The following ERCC3 variants were observed in gnomAD, a reference collection of about 807,000 sequenced individuals.
The protein encoded by ERCC3 is ERCC excision repair 3, TFIIH core complex helicase subunit, also known as general transcription and DNA repair factor IIH helicase/translocase subunit XPB.
A neutral mutation model predicts 94.2 loss-of-function variants in ERCC3; 66 were observed. That is an observed-to-expected ratio of 0.70 (90% CI 0.57 to 0.86). The LOEUF (loss-of-function observed/expected upper bound fraction) is 0.86, where lower values mean the gene tolerates loss of function less well. Among genes scored for constraint, ERCC3 ranks in the 40% least tolerant of loss-of-function variants. The probability of loss-of-function intolerance (pLI) is 0.00; values close to 1 mark genes in which losing one functional copy is unlikely to be tolerated. For missense variants in ERCC3, 829 were observed against 987.1 expected, an observed-to-expected ratio of 0.84 and a Z score of 2.15; for synonymous variants, 349 against 369.1, an observed-to-expected ratio of 0.95 and a Z score of 0.63.
At position 127,284,440 on chromosome 2, in the gene ERCC3, T is replaced by C. The variant is rs1489261114; in HGVS notation, c.1342+2263A>G. 6.6e-6 allele frequency among the ~76,000 whole-genome samples: 1 copy of C among 152,172 alleles called. No individual in the cohort carries two copies. Among genetic ancestry groups the C allele is most frequent in the Non-Finnish European group, 1.5e-5 (1 of 68,032 alleles). On this transcript the variant is annotated intron_variant, in intron 8 of 14. Coordinates refer to ENST00000285398, the MANE Select transcript of ERCC3 (RefSeq NM_000122.2). The surrounding 1 kb of genome is among the most constrained non-coding windows in gnomAD (Gnocchi z 4.1). ...GTGCTGTCTCACTATGCCAAGTACTTTCCCACAGCAGGGCCCACACCCTGG... is the reference window on the plus strand; with the variant it reads ...GTGCTGTCTCACTATGCCAAGTACTCTCCCACAGCAGGGCCCACACCCTGG...
rs2104728070 is a variant in ERCC3, at chr2:127,259,028, G to T, written c.2217+268C>A. On this transcript the variant is annotated intron_variant, in intron 14 of 14. Transcript: ENST00000285398. The surrounding 1 kb of genome is among the most constrained non-coding windows in gnomAD (Gnocchi z 4.9). ...TGGGGTCACCTGCTTGCCATCCTGG[G>T]CTTCAACATCAAGATTTAACAAATA... is the stretch of plus-strand genomic sequence containing the variant. 6.6e-6 allele frequency among the ~76,000 whole-genome samples: 1 copy of T among 152,204 alleles called. No homozygotes were observed. Among genetic ancestry groups the T allele is most frequent in the South Asian group, 2.1e-4 (1 of 4,820 alleles).
chr2:127,281,983 C>T (rs1377907165), intron 8 of ERCC3, among the ~76,000 whole-genome samples: 1 of 152,170 alleles, frequency 6.6e-6, no homozygotes, highest in Non-Finnish European at 1.5e-5. Flanking sequence ...AAGGATAAGG[C>T]AGGTAGGACT....
At chr2:127,272,670 T>C (rs1312226566) in intron 11 of ERCC3, among the ~76,000 whole-genome samples, 195 bp downstream of exon 11, 1 of 152,204 alleles carries the variant, frequency 6.6e-6, no homozygotes, top group African/African-American at 2.4e-5. Context: ...AGATTATCCA[T>C]GATGCATGCA....
chr2:127,289,665 A>G (rs368395964), intron 5 of ERCC3, 24 bp downstream of exon 5: 3 of 1,613,782 alleles, frequency 1.9e-6, no homozygotes, highest in Non-Finnish European at 2.5e-6. Flanking sequence ...CCCCCACCCA[A>G]GGGTGGCCCA....
In ERCC3 at chr2:127,272,845, AC is replaced by A. The variant is rs1684604588; in HGVS notation, c.1827+19del. On this transcript the variant is annotated intron_variant, in intron 11 of 14. Transcript: ENST00000285398. ...CCAGAGTGCTAGGGGCCTCACCTCCACCCCATATGCCACACAAACCTTGGAT... is the reference window on the plus strand; with the variant it reads ...CCAGAGTGCTAGGGGCCTCACCTCCACCCATATGCCACACAAACCTTGGAT... The A allele has an allele frequency of 6.5e-7, 1 of 1,540,648 alleles. No individual in the cohort carries two copies. The highest frequency in any genetic ancestry group is 9.0e-7 in the Non-Finnish European group (1 of 1,113,324).
rs2104782895 is a variant in ERCC3 at position 127,293,557 on chromosome 2, G to A, written c.190C>T (p.Gln64Ter). 1.9e-6 allele frequency: 3 copies of A among 1,614,184 alleles called. No homozygotes were observed. In the East Asian group the frequency reaches 6.7e-5, roughly 36 times the overall value. Residue 64 changes from glutamine (Q) to a stop codon, truncating the protein, a stop_gained, in exon 2 of 15, where the codon CAA becomes TAA. Transcript: ENST00000285398. LOFTEE classifies it high-confidence loss of function. Reference protein sequence around the residue: ...DEYGAKDYRLQMPLKDDHTSR... With the variant: ...DEYGAKDYRL ...GTGTGGTCGTCCTTCAGCGGCATTT[G>A]CAGCCTGTAGTCCTTGGCTCCATAT...
intron 12 of ERCC3, among the ~76,000 whole-genome samples, chr2:127,263,481 G>T (rs971097955): frequency 6.6e-6 from 1 of 152,106 alleles, no homozygotes; most frequent in Non-Finnish European, 1.5e-5. Flanking sequence ...TTTGAATTCC[G>T]AAACTTTACT....
chr2:127,270,405 G>C (rs1052999624), intron 12 of ERCC3, among the ~76,000 whole-genome samples: 1 of 152,178 alleles, frequency 6.6e-6, no homozygotes, highest in African/African-American at 2.4e-5. Context: ...CACTTTGGAT[G>C]GGAAAACCAA....
chr2:127,260,927 A>C (rs1684171355), intron 13 of ERCC3: 2 of 415,966 alleles, frequency 4.8e-6, no homozygotes, highest in Non-Finnish European at 9.0e-6. Context: ...TTACCAGCTG[A>C]TGAAAGGAAG....
intron 12 of ERCC3, among the ~76,000 whole-genome samples, chr2:127,270,018 C>CTCAATCAATCAA (rs5834172): frequency 0.023 from 3,475 of 150,472 alleles, 76 homozygotes; most frequent in Non-Finnish European, 0.037. Context: ...AAGACTCTAT[C>CTCAATCAATCAA]TCAATCAATC....
chr2:127,262,145 A>T (rs1338384944), intron 12 of ERCC3: 1 of 152,390 alleles, frequency 6.6e-6, no homozygotes, highest in African/African-American at 2.4e-5. Flanking sequence ...ATTATTTAGC[A>T]ATAAAAAAGA....
chr2:127,259,281 C>T lies in ERCC3; in HGVS notation c.2217+15G>A. The T allele has an allele frequency of 1.2e-6, 2 of 1,614,168 alleles. No homozygotes were observed. The highest frequency in any genetic ancestry group is 1.7e-6 in the Non-Finnish European group (2 of 1,180,018). On this transcript the variant is annotated intron_variant, in intron 14 of 14. Transcript: ENST00000285398. The surrounding 1 kb of genome is among the most constrained non-coding windows in gnomAD (Gnocchi z 4.9). ...AGAGCACTGACACCTGGAACCTCCT[C>T]ACCCATTTACTCACCTGGCTGGATC...
chr2:127,281,283 G>A (rs534472493), intron 8 of ERCC3, among the ~76,000 whole-genome samples: 89 of 152,164 alleles, frequency 5.8e-4, no homozygotes, highest in Non-Finnish European at 1.1e-3. Flanking sequence ...CCAAGCCCAC[G>A]GGAGTGATGA....
chr2:127,263,368 C>T (rs1400954189), intron 12 of ERCC3, among the ~76,000 whole-genome samples: 1 of 152,084 alleles, frequency 6.6e-6, no homozygotes, highest in African/African-American at 2.4e-5. Flanking sequence ...TAGGTTTTGT[C>T]TTTTGTTTTT....
chr2:127,292,722 G>A lies in ERCC3; in HGVS notation c.359C>T (p.Ala120Val), dbSNP rs370115857. 1.4e-5 allele frequency: 23 copies of A among 1,614,102 alleles called. No individual in the cohort carries two copies. Among genetic ancestry groups the A allele is most frequent in the Middle Eastern group, 3.3e-4 (2 of 6,062 alleles). The change falls in exon 3 of 15, where the codon GCC becomes GTC. Residue 120 changes from alanine to valine, a missense_variant. Coordinates refer to ENST00000285398, the MANE Select transcript of ERCC3 (RefSeq NM_000122.2). Reference sequence around the variant, plus strand: ...GCTGACAGCTGCATACAAGGAGTAGGCAGTTAGTTTGTACTCATGCACATG... The same window carrying A: ...GCTGACAGCTGCATACAAGGAGTAGACAGTTAGTTTGTACTCATGCACATG... Reference protein sequence around the residue: ...PTHVHEYKLTAYSLYAAVSVG... With the variant: ...PTHVHEYKLTVYSLYAAVSVG...
chr2:127,288,469 C>A (rs556202749), intron 7 of ERCC3, among the ~76,000 whole-genome samples, 191 bp downstream of exon 7: 7 of 152,274 alleles, frequency 4.6e-5, no homozygotes, highest in Non-Finnish European at 8.8e-5. Flanking sequence ...ACCATAATAC[C>A]CCCAGTGTCC....
chr2:127,271,284 A>C lies in ERCC3; in HGVS notation c.1945+52T>G. On this transcript the variant is annotated intron_variant, in intron 12 of 14. Transcript: ENST00000285398. The surrounding 1 kb of genome is among the most constrained non-coding windows in gnomAD (Gnocchi z 5.0). ...TCACCCCTATCGTCTTCCTAACTAA[A>C]GTGGTTTAAGAGGAGTGACCTCCTG... The C allele has an allele frequency of 8.1e-7, 1 of 1,237,712 alleles. No homozygotes were observed. Among genetic ancestry groups the C allele is most frequent in the Non-Finnish European group, 1.2e-6 (1 of 836,324 alleles). The allele number at this position is 1,237,712 out of a possible 1,614,324, so 76.7% of individuals were successfully genotyped here.
Position 127,259,247 on chromosome 2 carries a change from T to C in ERCC3, c.2217+49A>G. On this transcript the variant is annotated intron_variant, in intron 14 of 14. Coordinates refer to ENST00000285398, the MANE Select transcript of ERCC3 (RefSeq NM_000122.2). The surrounding 1 kb of genome is among the most constrained non-coding windows in gnomAD (Gnocchi z 4.9). ...TGTCTGTGTCTGTGTCTACAAACGC[T>C]GCCCTGTGAGAGCACTGACACCTGG... 6.2e-7 allele frequency: 1 copy of C among 1,608,810 alleles called. No individual in the cohort carries two copies. The highest frequency in any genetic ancestry group is 8.5e-7 in the Non-Finnish European group (1 of 1,175,450).
At chr2:127,266,705 AATT>A (rs750829739) in intron 12 of ERCC3, among the ~76,000 whole-genome samples, 23 of 142,506 alleles carry the variant, frequency 1.6e-4, no homozygotes, top group Non-Finnish European at 2.4e-4. Context: ...ACACATGATC[AATT>A]ATTTTTTTTT....
Sources: gnomAD v4.1 joint callset for allele counts (sites outside exome capture counted in the v4.1 genomes callset) on GRCh38, gnomAD v4.1.1 for gene constraint, Gnocchi (gnomAD v3.1) non-coding constraint, MANE v1.5 for transcripts, NCBI Gene and HGNC (gene_info 2026-07-23, HGNC 2026-07-21) for gene names.